Variants in NBEA observed in about 807,000 individuals in gnomAD.
The protein encoded by NBEA is lysosomal-trafficking regulator 2.
In NBEA, 44 loss-of-function variants were observed where a neutral mutation model predicts 343.4. The ratio of observed to expected loss-of-function variants is 0.13; its 90% CI spans 0.10 to 0.16. NBEA has a LOEUF of 0.16. Among genes scored for constraint, NBEA ranks in the 10% least tolerant of loss-of-function variants. NBEA has a pLI of 1.00. For synonymous variants in NBEA, 1,175 were observed against 1,238.7 expected, an observed-to-expected ratio of 0.95 and a Z score of 1.08; for missense variants, 2,555 against 3,631.3, an observed-to-expected ratio of 0.70 and a Z score of 7.62.
intron 1 of NBEA, among the ~76,000 whole-genome samples, chr13:34,965,179 A>G (rs539624344): frequency 6.6e-6 from 1 of 152,066 alleles, no homozygotes; most frequent in African/African-American, 2.4e-5. Flanking sequence ...GGAGCATAGC[A>G]TAGGGATGGT....
At chr13:35,126,500 C>T (rs2067139394) in intron 17 of NBEA, among the ~76,000 whole-genome samples, 1 of 151,502 alleles carries the variant, frequency 6.6e-6, no homozygotes, top group Non-Finnish European at 1.5e-5. Flanking sequence ...AAAACTCTGG[C>T]TAGTAGCATA....
chr13:35,279,116 CAATA>C (rs2034862716), intron 34 of NBEA, among the ~76,000 whole-genome samples: 1 of 152,070 alleles, frequency 6.6e-6, no homozygotes, highest in Non-Finnish European at 1.5e-5. Flanking sequence ...ACAATGTAAT[CAATA>C]AAGCAAGCCC....
chr13:35,581,020 T>C (rs2081003098), intron 45 of NBEA, among the ~76,000 whole-genome samples: 1 of 152,208 alleles, frequency 6.6e-6, no homozygotes, highest in Non-Finnish European at 1.5e-5. Context: ...ACAAACAGTA[T>C]CAGTTAAGAT....
intron 46 of NBEA, among the ~76,000 whole-genome samples, chr13:35,591,460 T>A (rs1202420966): frequency 6.6e-6 from 1 of 152,102 alleles, no homozygotes; most frequent in African/African-American, 2.4e-5. Context: ...TTTATTTATT[T>A]CTCATATCAC....
At chr13:34,982,302 A>AT (rs113223569) in intron 1 of NBEA, among the ~76,000 whole-genome samples, 3,943 of 146,956 alleles carry the variant, frequency 0.027, 135 homozygotes, top group African/African-American at 0.074. Flanking sequence ...GTTGTTATTG[A>AT]TTTTTTTTTT....
At chr13:35,466,627 C>G (rs1303709870) in intron 40 of NBEA, among the ~76,000 whole-genome samples, 3 of 152,048 alleles carry the variant, frequency 2.0e-5, no homozygotes, top group Admixed American at 2.0e-4. Context: ...GCTACCAAAC[C>G]CAGCTAATTT....
chr13:34,942,872 G>A lies in NBEA; in HGVS notation c.52G>A (p.Gly18Arg). The change falls in exon 1 of 59, where the codon GGG (glycine) becomes AGG (arginine). Residue 18 changes from glycine to arginine, a missense_variant. Gly to Arg is a moderately radical substitution (Grantham distance 125, BLOSUM62 -2). Around this residue, in one of 21 missense-constraint regions of NBEA, gnomAD observed 122 missense variants for 91.0 expected, o/e 1.34. Coordinates refer to ENST00000379939, the MANE Select transcript of NBEA (RefSeq NM_001385012.1). ...PGPGLEPQPV[G>R]LIAVGAAGGG... is the part of the protein sequence containing the mutation. ...CCCGGGGCTCGAGCCTCAGCCCGTG[G>A]GGCTCATTGCCGTCGGGGCCGCTGG... 2 of 1,416,642 alleles carry A rather than the reference G, an allele frequency of 1.4e-6. No individual in the cohort carries two copies. Among genetic ancestry groups the A allele is most frequent in the South Asian group, 2.9e-5 (2 of 69,970 alleles). 87.8% of individuals were successfully genotyped at this position (1,416,642 alleles called of 1,614,324 possible).
intron 38 of NBEA, among the ~76,000 whole-genome samples, chr13:35,388,226 G>A (rs369704581): frequency 1.3e-5 from 2 of 152,052 alleles, no homozygotes; most frequent in East Asian, 3.9e-4. Flanking sequence ...GACGATAGGT[G>A]GAATAATTAT....
At chr13:34,987,444 A>G (rs567482433) in intron 1 of NBEA, among the ~76,000 whole-genome samples, 8 of 150,196 alleles carry the variant, frequency 5.3e-5, no homozygotes, top group South Asian at 2.1e-4. Context: ...CTTCTTTTCA[A>G]CCTTGCTAAA....
intron 49 of NBEA, among the ~76,000 whole-genome samples, chr13:35,629,570 A>C (rs1195337759): frequency 6.6e-6 from 1 of 152,198 alleles, no homozygotes; most frequent in Non-Finnish European, 1.5e-5. Context: ...ACACAAGATA[A>C]AATTATTGCC....
chr13:35,518,887 GC>G (rs1308915633), intron 41 of NBEA, among the ~76,000 whole-genome samples: 1 of 152,178 alleles, frequency 6.6e-6, no homozygotes, highest in Non-Finnish European at 1.5e-5. Context: ...TGCATGTGCT[GC>G]TGTGCAGATG....
intron 49 of NBEA, among the ~76,000 whole-genome samples, chr13:35,642,741 C>T (rs1213398348): frequency 6.6e-6 from 1 of 152,008 alleles, no homozygotes; most frequent in Non-Finnish European, 1.5e-5. Flanking sequence ...CCAAAAAATC[C>T]AATTTCTTGT....
intron 41 of NBEA, among the ~76,000 whole-genome samples, chr13:35,488,049 C>T (rs960867629): frequency 6.6e-6 from 1 of 151,750 alleles, no homozygotes; most frequent in Non-Finnish European, 1.5e-5. Context: ...ATATTATTAC[C>T]GAGGTCCTAA....
intron 1 of NBEA, among the ~76,000 whole-genome samples, chr13:35,022,991 G>C (rs1951790306): frequency 6.6e-6 from 1 of 152,050 alleles, no homozygotes; most frequent in African/African-American, 2.4e-5. Context: ...TTATAATATA[G>C]ATTGTGCCTA....
At chr13:35,099,284 C>G (rs1481369579) in intron 11 of NBEA, among the ~76,000 whole-genome samples, 1 of 149,254 alleles carries the variant, frequency 6.7e-6, no homozygotes, top group East Asian at 2.0e-4. Flanking sequence ...CTGCAAGCTC[C>G]GCCTCCCAGG....
chr13:35,250,213 T>C (rs967019358), intron 34 of NBEA, among the ~76,000 whole-genome samples: 1 of 152,130 alleles, frequency 6.6e-6, no homozygotes, highest in African/African-American at 2.4e-5. Context: ...ATTATGTGTA[T>C]TTTACTACAA....
chr13:35,568,058 G>A (rs1039611301), intron 45 of NBEA, among the ~76,000 whole-genome samples: 16 of 152,176 alleles, frequency 1.1e-4, no homozygotes, highest in Admixed American at 9.8e-4. Flanking sequence ...TCAAATAGTT[G>A]TACAGATCTA....
intron 38 of NBEA, among the ~76,000 whole-genome samples, chr13:35,416,245 G>A (rs572278559): frequency 2.0e-5 from 3 of 152,018 alleles, no homozygotes; most frequent in Admixed American, 6.6e-5. Flanking sequence ...TTGCCTGATT[G>A]CCCTGGCCAG....
intron 41 of NBEA, among the ~76,000 whole-genome samples, chr13:35,494,751 C>T (rs1050413318): frequency 1.3e-5 from 2 of 151,834 alleles, no homozygotes; most frequent in Non-Finnish European, 2.9e-5. Flanking sequence ...GCAGTGGCTC[C>T]GTAATTTCAG....
Sources: allele counts gnomAD v4.1 joint callset (sites outside exome capture counted in the v4.1 genomes callset), GRCh38; gene constraint gnomAD v4.1.1; regional missense constraint gnomAD v4.1.1; transcripts MANE v1.5; gene names NCBI Gene and HGNC (gene_info 2026-07-23, HGNC 2026-07-21).